Variants in ADGRG3 observed in about 807,000 individuals in gnomAD.
ADGRG3 encodes the protein adhesion G protein-coupled receptor G3.
ADGRG3 carries 39 observed loss-of-function variants against 54.3 expected under a neutral mutation model. The ratio of observed to expected loss-of-function variants is 0.72; its 90% CI spans 0.56 to 0.94. The LOEUF is 0.94. ADGRG3 is among the 40% of genes least tolerant of loss of function. ADGRG3 has a pLI of 0.00. For synonymous variants in ADGRG3, 312 were observed against 290.0 expected (o/e 1.08, Z -0.77); for missense variants, 654 against 694.6 (o/e 0.94, Z 0.66).
intron 3 of ADGRG3, 98 bp from the exon 4 acceptor site, chr16:57,678,072 C>A: frequency 6.7e-7 from 1 of 1,484,490 alleles, no homozygotes; most frequent in South Asian, 1.2e-5. Flanking sequence ...GGTGCTGCCC[C>A]CTACCCAGTG....
chr16:57,672,773 A>C (rs900079105), intron 1 of ADGRG3, among the ~76,000 whole-genome samples: 4 of 152,078 alleles, frequency 2.6e-5, no homozygotes, highest in Non-Finnish European at 5.9e-5. Context: ...GGTTTGCTGT[A>C]TTTTCTACCT....
intron 11 of ADGRG3, 157 bp downstream of exon 11, chr16:57,686,083 C>A: frequency 2.6e-6 from 2 of 760,508 alleles, no homozygotes; most frequent in East Asian, 2.6e-5. Context: ...GGATCCAGGG[C>A]AGCAAAGTTT....
intron 4 of ADGRG3, 136 bp downstream of exon 4, chr16:57,678,452 C>T (rs982586100): frequency 3.3e-5 from 26 of 783,724 alleles, no homozygotes; most frequent in South Asian, 6.6e-5. Context: ...GTTTCTAATG[C>T]AGCCCGTGGC....
chr16:57,687,274 G>A (rs2048491917), intron 11 of ADGRG3, among the ~76,000 whole-genome samples: 1 of 151,390 alleles, frequency 6.6e-6, no homozygotes, highest in Non-Finnish European at 1.5e-5. Context: ...TAATTGAGAT[G>A]GAGTCTTGCT....
chr16:57,668,484 G>A (rs1242154999), intron 1 of ADGRG3, 79 bp downstream of exon 1: 31 of 1,320,072 alleles, frequency 2.3e-5, no homozygotes, highest in Admixed American at 1.0e-4. Flanking sequence ...AGGGACAGAC[G>A]CAGGGACTGG....
At chr16:57,668,282 A>C, upstream of ADGRG3, 2 of 1,385,592 alleles carry the variant, frequency 1.4e-6, no homozygotes, top group Non-Finnish European at 2.0e-6. Context: ...AGGCCAGCTC[A>C]GCAGAGCCTG....
intron 8 of ADGRG3, chr16:57,681,342 GTGTGTC>G (rs1383999267): frequency 4.5e-5 from 5 of 110,490 alleles, no homozygotes; most frequent in Middle Eastern, 4.0e-3. Context: ...GTGTCTGTGT[GTGTGTC>G]TGTGTGTGTG....
intron 4 of ADGRG3, chr16:57,678,824 C>T: frequency 2.8e-6 from 1 of 356,992 alleles, no homozygotes; most frequent in Non-Finnish European, 5.3e-6. Context: ...AATGCACACT[C>T]ACGCTAAGAC....
intron 9 of ADGRG3, 81 bp from the exon 10 acceptor site, chr16:57,684,309 G>A: frequency 6.4e-7 from 1 of 1,565,240 alleles, no homozygotes. Flanking sequence ...CAGAGCTGGA[G>A]GGATGGCCAT....
chr16:57,675,527 A>C (rs59558955), intron 2 of ADGRG3, among the ~76,000 whole-genome samples: 4,001 of 152,260 alleles, frequency 0.026, 142 homozygotes, highest in African/African-American at 0.089. Flanking sequence ...GCTCCTCGGG[A>C]GGCTGAGGCA....
At position 57,679,330 on chromosome 16, in the gene ADGRG3, C is replaced by T. The variant is rs1414478531; in HGVS notation, c.627+19C>T. ...GCCCCCTGTGAGTCCCCTGCTCAGG[C>T]CTGGCAGCCACTGCAGGGCAGACAG... On this transcript the variant is annotated intron_variant, in intron 5 of 11. Coordinates refer to ENST00000333493, the MANE Select transcript of ADGRG3 (RefSeq NM_170776.5). 2.5e-6 allele frequency: 4 copies of T among 1,613,080 alleles called. No homozygotes were observed. The highest frequency in any genetic ancestry group is 2.2e-5 in the South Asian group (2 of 91,080).
rs745797470 is a variant in ADGRG3 at position 57,673,366 on chromosome 16, GCAA to G, written c.110_112del (p.Asn37del). On this transcript the variant is annotated inframe_deletion, in exon 2 of 12. Coordinates refer to ENST00000333493, the MANE Select transcript of ADGRG3 (RefSeq NM_170776.5). ...GGGCCAAGAAACACCTGCCTGGGGA[GCAA>G]CAACATGTACGACATCTTCAACTTG... The G allele has an allele frequency of 3.1e-6, 5 of 1,613,814 alleles. No homozygotes were observed. Among genetic ancestry groups the G allele is most frequent in the African/African-American group, 1.3e-5 (1 of 74,924 alleles).
chr16:57,668,392 G>T lies in ADGRG3; in HGVS notation c.45G>T (p.Leu15=), dbSNP rs138354738. 3,669 of 1,574,086 alleles carry T rather than the reference G, an allele frequency of 2.3e-3. 15 individuals are homozygous for T. The highest frequency in any genetic ancestry group is 5.0e-3 in the Middle Eastern group (30 of 5,974). ...TGGGGGCCCTGCTCCTGCTCCTCCT[G>T]CTCCCGACCTCAGGTGAGTGGCTGG... The part of the protein sequence containing the change: ...RGLGALLLLL[L]LPTSGQEKPT... Residue 15 remains leucine (L), a synonymous_variant, in exon 1 of 12, where the codon CTG becomes CTT. Coordinates refer to ENST00000333493, the MANE Select transcript of ADGRG3 (RefSeq NM_170776.5).
intron 10 of ADGRG3, 109 bp downstream of exon 10, chr16:57,684,592 A>G (rs939285318): frequency 1.4e-6 from 1 of 726,304 alleles, no homozygotes; most frequent in East Asian, 2.7e-5. Flanking sequence ...TAGACCAAAT[A>G]TGTCAAGACC....
intron 6 of ADGRG3, 105 bp from the exon 7 acceptor site, chr16:57,680,160 C>T (rs2048341086): frequency 6.2e-6 from 3 of 480,790 alleles, no homozygotes; most frequent in African/African-American, 4.8e-5. Flanking sequence ...CCTCCCTTAC[C>T]CTCCCCTCCC....
chr16:57,668,661 G>A (rs1567849222), intron 1 of ADGRG3, among the ~76,000 whole-genome samples: 1 of 152,198 alleles, frequency 6.6e-6, no homozygotes, highest in East Asian at 1.9e-4. Flanking sequence ...CCTGGAGATA[G>A]GGGAGGTCGG....
At chr16:57,682,744 AGGTGAGCCT>A in intron 8 of ADGRG3, 3 of 614,586 alleles carry the variant, frequency 4.9e-6, no homozygotes, top group Non-Finnish European at 6.1e-6. Flanking sequence ...AGAGAGAGGG[AGGTGAGCCT>A]GGTGAGTCAC....
At position 57,678,232 on chromosome 16, in the gene ADGRG3, C is replaced by T. The variant is rs1415146815; in HGVS notation, c.408C>T (p.Ser136=). The T allele has an allele frequency of 1.2e-6, 2 of 1,614,190 alleles. No individual in the cohort carries two copies. The highest frequency in any genetic ancestry group is 2.2e-5 in the South Asian group (2 of 91,082). Residue 136 remains serine, a synonymous_variant, in exon 4 of 12, where the codon AGC becomes AGT. Transcript: ENST00000333493. ...KPPDRVRLPK[S]LFRSLPGNRS... ...CTGACAGAGTGCGACTTCCCAAGAGCCTTTTTCGATCCCTGCCAGGCAACA... is the reference window on the plus strand; with the variant it reads ...CTGACAGAGTGCGACTTCCCAAGAGTCTTTTTCGATCCCTGCCAGGCAACA...
chr16:57,671,332 GTTTTTTTTT>G lies in ADGRG3; in HGVS notation c.59-1972_59-1964del, dbSNP rs60592653. The stretch of plus-strand genomic sequence containing the variant: ...ACATACAGAAAGTCCTAGAATAGGA[GTTTTTTTTT>G]TTTTTTTTTTTTTTTTCGAGACAGA... On this transcript the variant is annotated intron_variant, in intron 1 of 11. Coordinates refer to ENST00000333493, the MANE Select transcript of ADGRG3 (RefSeq NM_170776.5). 3.7e-3 allele frequency among the ~76,000 whole-genome samples: 322 copies of G among 86,374 alleles called. 1 individual carries two copies. The highest frequency in any genetic ancestry group is 0.016 in the African/African-American group (310 of 19,920). The allele number at this position is 86,374 out of a possible 152,430, so 56.7% of individuals were successfully genotyped here. A position where few individuals can be genotyped will look rare whatever the true frequency, so the allele number is the denominator to read the frequency against.
Sources: gnomAD v4.1 joint callset for allele counts (sites outside exome capture counted in the v4.1 genomes callset) on GRCh38, gnomAD v4.1.1 for gene constraint, MANE v1.5 for transcripts, NCBI Gene and HGNC (gene_info 2026-07-23, HGNC 2026-07-21) for gene names.